Variants in HS6ST3 observed in about 807,000 individuals in gnomAD.
HS6ST3 encodes the protein heparan-sulfate 6-O-sulfotransferase 3.
In HS6ST3, 12 loss-of-function variants were observed where a neutral mutation model predicts 36.7. The observed-to-expected ratio is 0.33, with a 90% CI of 0.21 to 0.53. The LOEUF is 0.53. Among genes scored for constraint, HS6ST3 ranks in the 20% least tolerant of loss-of-function variants. The probability of loss-of-function intolerance (pLI) is 0.95; values close to 1 mark genes in which losing one functional copy is unlikely to be tolerated. For missense variants in HS6ST3, 584 were observed against 640.9 expected (o/e 0.91, Z 0.96); for synonymous variants, 240 against 257.5 (o/e 0.93, Z 0.65).
chr13:96,447,528 A>G (rs906407306), intron 1 of HS6ST3, among the ~76,000 whole-genome samples: 1 of 152,218 alleles, frequency 6.6e-6, no homozygotes, highest in Non-Finnish European at 1.5e-5. Flanking sequence ...GCTGGCTGTT[A>G]GAAACTGGGT....
intron 1 of HS6ST3, among the ~76,000 whole-genome samples, chr13:96,338,257 G>A (rs767685860): frequency 6.6e-6 from 1 of 152,098 alleles, no homozygotes; most frequent in African/African-American, 2.4e-5. Context: ...GGTGAGCCAC[G>A]TTGCTAAGAT....
At chr13:96,178,745 C>T (rs1047264981) in intron 1 of HS6ST3, among the ~76,000 whole-genome samples, 1 of 152,036 alleles carries the variant, frequency 6.6e-6, no homozygotes, top group African/African-American at 2.4e-5. Flanking sequence ...CTTTGGGAGA[C>T]AGGAATGTTT....
At chr13:96,338,075 A>G (rs144051421) in intron 1 of HS6ST3, among the ~76,000 whole-genome samples, 2 of 152,182 alleles carry the variant, frequency 1.3e-5, no homozygotes, top group African/African-American at 2.4e-5. Flanking sequence ...ATATAATTTA[A>G]AAGATTTTTT....
intron 1 of HS6ST3, among the ~76,000 whole-genome samples, chr13:96,161,732 A>G (rs1249637271): frequency 6.6e-6 from 1 of 152,228 alleles, no homozygotes; most frequent in Non-Finnish European, 1.5e-5. Context: ...ACAAATTCAT[A>G]TCTGTGCTAA....
At chr13:96,805,865 A>G (rs1300336170) in intron 1 of HS6ST3, among the ~76,000 whole-genome samples, 1 of 152,198 alleles carries the variant, frequency 6.6e-6, no homozygotes, top group East Asian at 1.9e-4. Flanking sequence ...GTTACTTTAC[A>G]TTGATATCCA....
chr13:96,512,635 T>A (rs566763150), intron 1 of HS6ST3, among the ~76,000 whole-genome samples: 2 of 152,276 alleles, frequency 1.3e-5, no homozygotes, highest in East Asian at 3.9e-4. Context: ...TGCTACACAT[T>A]TATCAATTTG....
intron 1 of HS6ST3, among the ~76,000 whole-genome samples, chr13:96,407,519 A>C (rs1247997589): frequency 6.6e-6 from 1 of 152,218 alleles, no homozygotes; most frequent in East Asian, 1.9e-4. Flanking sequence ...TTAGGGGCTC[A>C]ATAGGCGTTC....
chr13:96,664,790 A>C (rs557062724), intron 1 of HS6ST3, among the ~76,000 whole-genome samples: 2 of 152,216 alleles, frequency 1.3e-5, no homozygotes, highest in South Asian at 4.2e-4. Context: ...TGACTTTCCC[A>C]GGGACTTTAC....
chr13:96,829,654 A>G (rs1012177108), intron 1 of HS6ST3, among the ~76,000 whole-genome samples: 20 of 152,234 alleles, frequency 1.3e-4, no homozygotes, highest in African/African-American at 4.1e-4. Flanking sequence ...AGCAAAGGAC[A>G]TGATCTCATT....
chr13:96,098,950 G>GTT (rs900895282), intron 1 of HS6ST3, among the ~76,000 whole-genome samples: 3 of 152,094 alleles, frequency 2.0e-5, no homozygotes, highest in African/African-American at 7.2e-5. Context: ...TGTTGTTGTT[G>GTT]TTGTTGTTTT....
intron 1 of HS6ST3, among the ~76,000 whole-genome samples, chr13:96,765,010 T>G (rs1024568576): frequency 2.0e-5 from 3 of 152,000 alleles, no homozygotes; most frequent in Non-Finnish European, 2.9e-5. Context: ...GGAAAGTAAC[T>G]AGAATTTAAA....
At chr13:96,634,794 C>T (rs1245365997) in intron 1 of HS6ST3, among the ~76,000 whole-genome samples, 1 of 152,154 alleles carries the variant, frequency 6.6e-6, no homozygotes, top group African/African-American at 2.4e-5. Flanking sequence ...CTCTTCCCAG[C>T]GATTCTCGAC....
intron 1 of HS6ST3, among the ~76,000 whole-genome samples, chr13:96,571,469 T>C (rs1376567602): frequency 2.0e-5 from 3 of 152,254 alleles, no homozygotes; most frequent in Non-Finnish European, 2.9e-5. Flanking sequence ...TGGACTCTTA[T>C]TGAACAATAA....
At chr13:96,772,353 T>C (rs1219246582) in intron 1 of HS6ST3, among the ~76,000 whole-genome samples, 3 of 152,192 alleles carry the variant, frequency 2.0e-5, no homozygotes, top group Non-Finnish European at 2.9e-5. Context: ...ATTCCAGTGC[T>C]ATTCTATAAG....
At chr13:96,134,610 T>C (rs569389921) in intron 1 of HS6ST3, among the ~76,000 whole-genome samples, 1 of 152,318 alleles carries the variant, frequency 6.6e-6, no homozygotes, top group Non-Finnish European at 1.5e-5. Context: ...TCTATTGTTT[T>C]CCTGATATAT....
intron 1 of HS6ST3, among the ~76,000 whole-genome samples, chr13:96,161,766 C>A (rs1159529999): frequency 6.6e-6 from 1 of 152,046 alleles, no homozygotes; most frequent in African/African-American, 2.4e-5. Context: ...ATGGGTTAAG[C>A]AGAAGCACAT....
intron 1 of HS6ST3, among the ~76,000 whole-genome samples, chr13:96,406,020 T>C (rs1323137713): frequency 6.6e-6 from 1 of 152,230 alleles, no homozygotes; most frequent in Non-Finnish European, 1.5e-5. Context: ...TAATTCACTT[T>C]TCAGCTGTGT....
intron 1 of HS6ST3, among the ~76,000 whole-genome samples, chr13:96,118,679 TATATATATA>T (rs1464442125): frequency 1.8e-4 from 4 of 22,046 alleles, no homozygotes; most frequent in South Asian, 2.7e-3. Context: ...TATATATATA[TATATATATA>T]TTTTTTTTTT....
intron 1 of HS6ST3, among the ~76,000 whole-genome samples, chr13:96,155,231 A>G (rs910170984): frequency 6.6e-6 from 1 of 152,196 alleles, no homozygotes; most frequent in Non-Finnish European, 1.5e-5. Flanking sequence ...TTAAAAGCCC[A>G]AATAATAGTA....
Sources: allele counts gnomAD v4.1 joint callset (sites outside exome capture counted in the v4.1 genomes callset), GRCh38; gene constraint gnomAD v4.1.1; transcripts MANE v1.5; gene names NCBI Gene and HGNC (gene_info 2026-07-23, HGNC 2026-07-21).